Variants in POP4 observed in about 807,000 individuals in gnomAD.
POP4 encodes the protein POP4 ribonuclease P/MRP subunit, also known as ribonuclease P protein subunit p29.
Under a neutral mutation model 29.9 loss-of-function variants are expected in POP4, and 31 were observed. The ratio of observed to expected loss-of-function variants is 1.04; its 90% CI spans 0.78 to 1.40. The LOEUF (loss-of-function observed/expected upper bound fraction) is 1.40, where lower values mean the gene tolerates loss of function less well. POP4 is among the 40% of genes most tolerant of loss of function. POP4 has a pLI of 0.00. For missense variants in POP4, 286 were observed against 282.7 expected (o/e 1.01, Z -0.08); for synonymous variants, 110 against 108.2 (o/e 1.02, Z -0.10).
chr19:29,608,990 G>C (rs1356849081), intron 2 of POP4: 2 of 345,064 alleles, frequency 5.8e-6, no homozygotes, highest in Non-Finnish European at 1.1e-5. Flanking sequence ...GTGCCCACGT[G>C]GTGGGCAGCA....
Position 29,611,899 on chromosome 19 carries a change from C to T in POP4, c.322C>T (p.Gln108Ter). ...LFLPLHELWK[Q>*]YIRDLCSGLK... Reference sequence around the variant, plus strand: ...CCTCCCTCTCCATGAACTCTGGAAACAGTACATCAGGGACCTGTGCAGTGG... The same window carrying T: ...CCTCCCTCTCCATGAACTCTGGAAATAGTACATCAGGGACCTGTGCAGTGG... The change falls in exon 4 of 7, where the codon CAG becomes TAG. Residue 108 changes from glutamine (Q) to a stop codon, truncating the protein, a stop_gained. Transcript: ENST00000585603. LOFTEE classifies it high-confidence loss of function. 6.2e-7 allele frequency: 1 copy of T among 1,614,230 alleles called. No individual in the cohort carries two copies. The highest frequency in any genetic ancestry group is 8.5e-7 in the Non-Finnish European group (1 of 1,180,036).
intron 3 of POP4, chr19:29,610,870 C>A: frequency 1.9e-6 from 1 of 536,956 alleles, no homozygotes; most frequent in Non-Finnish European, 3.3e-6. Context: ...CGTGCAAGTA[C>A]ATCTGTTGCC....
At chr19:29,608,866 C>T in intron 2 of POP4, 157 bp downstream of exon 2, 1 of 664,774 alleles carries the variant, frequency 1.5e-6, no homozygotes, top group Non-Finnish European at 2.5e-6. Flanking sequence ...CTGTAGTTCT[C>T]ATTACCTGTT....
intron 6 of POP4, among the ~76,000 whole-genome samples, chr19:29,614,503 ATTTTTC>A (rs760233297): frequency 2.4e-5 from 2 of 83,612 alleles, no homozygotes; most frequent in Admixed American, 1.7e-4. Flanking sequence ...TGTTCCTTTA[ATTTTTC>A]TTTTTTTTTT....
Position 29,608,647 on chromosome 19 carries a change from A to G in POP4, c.8-10A>G, listed in dbSNP as rs756386977. The G allele has an allele frequency of 3.7e-6, 6 of 1,612,092 alleles. No individual in the cohort carries two copies. Among genetic ancestry groups the G allele is most frequent in the African/African-American group, 1.3e-5 (1 of 74,770 alleles). On this transcript the variant is annotated splice_polypyrimidine_tract_variant and intron_variant, in intron 1 of 6. Transcript: ENST00000585603. ...CAAGAATTGATCATTTCTTTTTTTT[A>G]ATCCCCCAGGTGTGATCTACCATGC...
At chr19:29,613,172 C>G (rs910654367) in intron 5 of POP4, 3 of 152,788 alleles carry the variant, frequency 2.0e-5, no homozygotes, top group African/African-American at 7.2e-5. Context: ...CCATGACCCT[C>G]CACACATTGC....
At chr19:29,606,505 C>T (rs1970999509) in intron 1 of POP4, 180 bp downstream of exon 1, 2 of 638,104 alleles carry the variant, frequency 3.1e-6, no homozygotes, top group African/African-American at 1.9e-5. Context: ...CCTGGCTCGA[C>T]CTCTGAGCTA....
At chr19:29,614,503 A>ATTTTT (rs753589513) in intron 6 of POP4, among the ~76,000 whole-genome samples, 1 of 83,616 alleles carries the variant, frequency 1.2e-5, no homozygotes. Flanking sequence ...TGTTCCTTTA[A>ATTTTT]TTTTTCTTTT....
Position 29,612,160 on chromosome 19 carries a change from C to T in POP4, c.406C>T (p.His136Tyr). The change falls in exon 5 of 7, where the codon CAC (histidine) becomes TAC (tyrosine). Residue 136 changes from histidine (H) to tyrosine (Y), a missense_variant. By Grantham distance (83) the His-to-Tyr change is moderately conservative. Transcript: ENST00000585603. ...GGCCAAGCTCTTAAAGGCAGATCTT[C>T]ACGGGGCTATTATTTCAGGTAATTT... ...IQAKLLKADLHGAIISVTKSK... is the reference protein window; with the variant it reads ...IQAKLLKADLYGAIISVTKSK... 2 of 1,610,474 alleles carry T rather than the reference C, an allele frequency of 1.2e-6. No homozygotes were observed. The highest frequency in any genetic ancestry group is 1.3e-5 in the African/African-American group (1 of 74,682).
chr19:29,610,701 T>G lies in POP4; in HGVS notation c.284+69T>G, dbSNP rs1039095700. On this transcript the variant is annotated intron_variant, in intron 3 of 6. Coordinates refer to ENST00000585603, the MANE Select transcript of POP4 (RefSeq NM_006627.3). ...TTCTTGGTGTGTGAACTTGGCTGAG[T>G]GGCTGGGGAGGCAGCCTGGCTCCAC... is the stretch of plus-strand genomic sequence containing the variant. 25 of 1,505,338 alleles carry G rather than the reference T, an allele frequency of 1.7e-5. No homozygotes were observed. The African/African-American group carries it at 2.6e-4, about 16-fold the overall frequency. The allele number at this position is 1,505,338 out of a possible 1,614,324, so 93.2% of individuals were successfully genotyped here. A position where few individuals can be genotyped will look rare whatever the true frequency, so the allele number is the denominator to read the frequency against.
At chr19:29,614,582 G>A (rs1971109937) in intron 6 of POP4, among the ~76,000 whole-genome samples, 1 of 145,790 alleles carries the variant, frequency 6.9e-6, no homozygotes, top group African/African-American at 2.6e-5. Context: ...TCGACTCACT[G>A]CAGCCTCCAC....
intron 6 of POP4, 109 bp from the exon 7 acceptor site, chr19:29,615,135 T>G: frequency 1.5e-6 from 2 of 1,304,004 alleles, no homozygotes; most frequent in Non-Finnish European, 2.0e-6. Flanking sequence ...CCTATTAGCT[T>G]ATTTTTTTCA....
intron 2 of POP4, chr19:29,610,196 A>C (rs1393465780): frequency 1.8e-6 from 1 of 568,038 alleles, no homozygotes; most frequent in South Asian, 2.2e-5. Context: ...GTGTGTGACA[A>C]ACGGTCATGA....
At chr19:29,606,737 T>C (rs992338579) in intron 1 of POP4, among the ~76,000 whole-genome samples, 3 of 152,110 alleles carry the variant, frequency 2.0e-5, no homozygotes, top group Non-Finnish European at 4.4e-5. Flanking sequence ...GCTTTGGTCC[T>C]TAGGGGTAGA....
chr19:29,609,967 T>C (rs766176579), intron 2 of POP4, among the ~76,000 whole-genome samples: 1 of 152,200 alleles, frequency 6.6e-6, no homozygotes, highest in Non-Finnish European at 1.5e-5. Context: ...TTTTGCTGTT[T>C]TCTGTAGTGT....
At chr19:29,606,876 G>T (rs1971004694) in intron 1 of POP4, among the ~76,000 whole-genome samples, 1 of 152,120 alleles carries the variant, frequency 6.6e-6, no homozygotes, top group South Asian at 2.1e-4. Flanking sequence ...CTGAGCTTCA[G>T]TTTGCTCATG....
intron 2 of POP4, among the ~76,000 whole-genome samples, chr19:29,609,906 A>G (rs1971044590): frequency 6.6e-6 from 1 of 152,164 alleles, no homozygotes; most frequent in Non-Finnish European, 1.5e-5. Flanking sequence ...TCCTAAGGGC[A>G]CAGTGTCAGG....
chr19:29,614,446 C>T (rs143867873), intron 6 of POP4, among the ~76,000 whole-genome samples: 138 of 152,304 alleles, frequency 9.1e-4, no homozygotes, highest in African/African-American at 3.3e-3. Flanking sequence ...TTCTACACCC[C>T]GCCTTACCCA....
At chr19:29,607,996 A>G (rs182105107) in intron 1 of POP4, among the ~76,000 whole-genome samples, 93 of 152,346 alleles carry the variant, frequency 6.1e-4, no homozygotes, top group East Asian at 1.9e-3. Context: ...ATCTGGGAAT[A>G]TGTTAAACAC....
Sources: allele counts gnomAD v4.1 joint callset (sites outside exome capture counted in the v4.1 genomes callset), GRCh38; gene constraint gnomAD v4.1.1; transcripts MANE v1.5; gene names NCBI Gene and HGNC (gene_info 2026-07-23, HGNC 2026-07-21).